ZFPM2: variants seen among roughly 807,000 people sequenced by gnomAD.
ZFPM2 encodes zinc finger protein, FOG family member 2.
In ZFPM2, 20 loss-of-function variants were observed where a neutral mutation model predicts 98.6. The ratio of observed to expected loss-of-function variants is 0.20; its 90% confidence interval spans 0.14 to 0.29. The LOEUF (loss-of-function observed/expected upper bound fraction) is 0.29. Ranked by LOEUF, ZFPM2 falls within the 10% of genes least tolerant of loss-of-function variation. The pLI is 1.00. For missense variants in ZFPM2, 1,310 were observed against 1,388.6 expected, an observed-to-expected ratio of 0.94 and a Z score of 0.90; for synonymous variants, 518 against 502.7, an observed-to-expected ratio of 1.03 and a Z score of -0.41.
intron 4 of ZFPM2, among the ~76,000 whole-genome samples, chr8:105,621,245 C>A (rs1329434005): frequency 6.6e-6 from 1 of 152,106 alleles, no homozygotes; most frequent in Admixed American, 6.6e-5. Context: ...TCCTTCACAT[C>A]CCTTGTAAGT....
chr8:105,483,100 A>G (rs924386389), intron 3 of ZFPM2, among the ~76,000 whole-genome samples: 1 of 150,462 alleles, frequency 6.6e-6, no homozygotes, highest in Non-Finnish European at 1.5e-5. Flanking sequence ...GTCTCAAGCA[A>G]TCATCCCACC....
Position 105,798,719 on chromosome 8 carries a change from T to C in ZFPM2, c.740-5T>C, listed in dbSNP as rs750147562. The C allele has an allele frequency of 6.2e-7, 1 of 1,610,434 alleles. No individual in the cohort carries two copies. Among genetic ancestry groups the C allele is most frequent in the South Asian group, 1.1e-5 (1 of 90,834 alleles). ...CAAATGTGTCTCTTGTGTTTTTACC[T>C]GCAGAGGATATATTCCCTTGCAAGT... On this transcript the variant is annotated splice_polypyrimidine_tract_variant and splice_region_variant and intron_variant, in intron 6 of 7. Coordinates refer to ENST00000407775, the MANE Select transcript of ZFPM2 (RefSeq NM_012082.4).
At chr8:105,794,407 G>A (rs183120070) in intron 6 of ZFPM2, among the ~76,000 whole-genome samples, 112 of 152,272 alleles carry the variant, frequency 7.4e-4, no homozygotes, top group Non-Finnish European at 1.2e-3. Flanking sequence ...TTCATGAACC[G>A]TGAATGCTGC....
chr8:105,355,825 G>T lies in ZFPM2; in HGVS notation c.40+36844G>T, dbSNP rs1489239008. ...GTTGCAGCATATTTTATAAATTTCA[G>T]GTACGAACTTAATTATAATAATCAC... On this transcript the variant is annotated intron_variant, in intron 1 of 7. Transcript: ENST00000407775. 3.3e-5 allele frequency among the ~76,000 whole-genome samples: 5 copies of T among 152,222 alleles called. No individual in the cohort carries two copies. The East Asian group carries it at 9.6e-4, about 29-fold the overall frequency.
intron 3 of ZFPM2, among the ~76,000 whole-genome samples, chr8:105,539,825 G>T (rs1814538929): frequency 6.6e-6 from 1 of 152,116 alleles, no homozygotes. Flanking sequence ...ATACCTGGAA[G>T]AAAATTTAAA....
chr8:105,456,168 G>GT lies in ZFPM2; in HGVS notation c.301+11797dup, dbSNP rs1215254515. 1.9e-3 allele frequency among the ~76,000 whole-genome samples: 251 copies of GT among 133,684 alleles called. 5 individuals carry two copies. Among genetic ancestry groups the GT allele is most frequent in the Admixed American group, 4.9e-3 (61 of 12,438 alleles). The allele number at this position is 133,684 out of a possible 152,430, so 87.7% of individuals were successfully genotyped here. A position where few individuals can be genotyped will look rare whatever the true frequency, so the allele number is the denominator to read the frequency against. ...AATGTTTTTTTTTGTTTGTTTGTTT[G>GT]TTTTTTTTTTAAGAAGGAAGGGGCT... On this transcript the variant is annotated intron_variant, in intron 3 of 7. Coordinates refer to ENST00000407775, the MANE Select transcript of ZFPM2 (RefSeq NM_012082.4).
chr8:105,422,296 G>T (rs1333691154), intron 2 of ZFPM2, among the ~76,000 whole-genome samples: 55 of 151,958 alleles, frequency 3.6e-4, no homozygotes, highest in Non-Finnish European at 2.1e-4. Context: ...AATTAACTGG[G>T]TGTGGTGGTG....
At chr8:105,362,870 G>A (rs1810435144) in intron 1 of ZFPM2, among the ~76,000 whole-genome samples, 1 of 152,140 alleles carries the variant, frequency 6.6e-6, no homozygotes. Flanking sequence ...TAGATCAGAG[G>A]TCACAAATAA....
chr8:105,399,858 T>G (rs1215741248), intron 1 of ZFPM2, among the ~76,000 whole-genome samples: 1 of 152,128 alleles, frequency 6.6e-6, no homozygotes, highest in East Asian at 1.9e-4. Flanking sequence ...CTGTGCCTCC[T>G]GGGTTCAAGT....
intron 1 of ZFPM2, among the ~76,000 whole-genome samples, chr8:105,385,820 T>A (rs1446749852): frequency 6.6e-6 from 1 of 152,124 alleles, no homozygotes. Flanking sequence ...TATTCCCTCC[T>A]CTCTATTCTT....
intron 4 of ZFPM2, among the ~76,000 whole-genome samples, chr8:105,564,103 G>T (rs1453630661): frequency 6.6e-6 from 1 of 151,800 alleles, no homozygotes; most frequent in Non-Finnish European, 1.5e-5. Flanking sequence ...TTAGACAGTT[G>T]ATGTCATTTT....
At chr8:105,330,603 T>C (rs1306365103) in intron 1 of ZFPM2, among the ~76,000 whole-genome samples, 1 of 33,812 alleles carries the variant, frequency 3.0e-5, no homozygotes, top group African/African-American at 1.5e-4. Context: ...TACATATATA[T>C]ATATATACAC....
intron 5 of ZFPM2, among the ~76,000 whole-genome samples, chr8:105,783,361 T>A (rs1813316022): frequency 6.6e-6 from 1 of 150,966 alleles, no homozygotes; most frequent in Non-Finnish European, 1.5e-5. Context: ...AAAAAAAAAA[T>A]GTAACCTCAT....
At chr8:105,487,102 G>T (rs1230689294) in intron 3 of ZFPM2, among the ~76,000 whole-genome samples, 2 of 152,022 alleles carry the variant, frequency 1.3e-5, no homozygotes, top group African/African-American at 4.8e-5. Flanking sequence ...AAGCTTATAT[G>T]TAGTGTGTTA....
At chr8:105,595,367 G>T (rs557409811) in intron 4 of ZFPM2, among the ~76,000 whole-genome samples, 1 of 152,156 alleles carries the variant, frequency 6.6e-6, no homozygotes, top group South Asian at 2.1e-4. Flanking sequence ...AACATAGAAA[G>T]AGCTATTATC....
intron 5 of ZFPM2, among the ~76,000 whole-genome samples, chr8:105,670,474 C>T (rs566745646): frequency 1.2e-4 from 15 of 121,624 alleles, no homozygotes; most frequent in South Asian, 2.7e-4. Flanking sequence ...CCAGCCTGGG[C>T]GACAGAGCGA....
chr8:105,793,017 G>C (rs1252196814), intron 6 of ZFPM2, among the ~76,000 whole-genome samples: 1 of 151,946 alleles, frequency 6.6e-6, no homozygotes, highest in Non-Finnish European at 1.5e-5. Flanking sequence ...ACAACACACT[G>C]ATGAGTCTTG....
intron 1 of ZFPM2, among the ~76,000 whole-genome samples, chr8:105,402,652 T>A (rs112725860): frequency 9.5e-4 from 145 of 152,174 alleles, no homozygotes; most frequent in African/African-American, 3.2e-3. Flanking sequence ...TATTTTATTT[T>A]GTTAAATTAG....
chr8:105,728,848 C>G (rs1486297159), intron 5 of ZFPM2, among the ~76,000 whole-genome samples: 1 of 151,738 alleles, frequency 6.6e-6, no homozygotes, highest in African/African-American at 2.4e-5. Context: ...TCCTTCTCTC[C>G]TCCAACCCTT....
Sources: gnomAD v4.1 joint callset for allele counts (sites outside exome capture counted in the v4.1 genomes callset) on GRCh38, gnomAD v4.1.1 for gene constraint, MANE v1.5 for transcripts, NCBI Gene and HGNC (gene_info 2026-07-23, HGNC 2026-07-21) for gene names.